Variants in FTCDNL1 observed in about 807,000 individuals in gnomAD.
FTCDNL1 encodes formiminotransferase cyclodeaminase N-terminal like, also known as formiminotransferase N-terminal subdomain-containing protein.
A neutral mutation model predicts 5.9 loss-of-function variants in FTCDNL1; 11 were observed. The ratio of observed to expected loss-of-function variants is 1.87; its 90% CI spans 1.18 to 3.10. The LOEUF (loss-of-function observed/expected upper bound fraction) is 3.10. Ranked by LOEUF, FTCDNL1 falls within the 30% of genes most tolerant of loss-of-function variation. FTCDNL1 has a pLI of 0.00. For missense variants in FTCDNL1, 115 were observed against 65.5 expected (o/e 1.76, Z -2.61); for synonymous variants, 58 against 24.8 (o/e 2.34, Z -3.99).
At chr2:199,681,251 C>T in the FTCDNL1 span, among the ~76,000 whole-genome samples, 8 of 151,800 alleles carry the variant, frequency 5.3e-5, no homozygotes, top group East Asian at 1.2e-3. Flanking sequence ...GTCAGGAGTT[C>T]GAGACCAGCC....
At chr2:199,753,072 G>A in the FTCDNL1 span, among the ~76,000 whole-genome samples, 1 of 152,048 alleles carries the variant, frequency 6.6e-6, no homozygotes, top group Non-Finnish European at 1.5e-5. Flanking sequence ...GGAGTGAAAC[G>A]GGGCCTTGCC....
At chr2:199,820,992 G>A (rs575756296) in intron 3 of FTCDNL1, among the ~76,000 whole-genome samples, 3 of 152,258 alleles carry the variant, frequency 2.0e-5, no homozygotes, top group South Asian at 4.2e-4. Context: ...ATAAGCATAG[G>A]AGACCTTCCC....
chr2:199,770,398 T>C (rs947100309), intron 3 of FTCDNL1, among the ~76,000 whole-genome samples: 1 of 152,206 alleles, frequency 6.6e-6, no homozygotes, highest in African/African-American at 2.4e-5. Context: ...CATCGCATAG[T>C]CAGTGAGTGG....
chr2:199,704,404 G>A, the FTCDNL1 span, among the ~76,000 whole-genome samples: 1 of 152,096 alleles, frequency 6.6e-6, no homozygotes, highest in Non-Finnish European at 1.5e-5. Context: ...GGGGGTCGAG[G>A]GGCAAGTACT....
chr2:199,729,584 A>G, the FTCDNL1 span, among the ~76,000 whole-genome samples: 1 of 152,240 alleles, frequency 6.6e-6, no homozygotes, highest in Non-Finnish European at 1.5e-5. Flanking sequence ...CCAAATAATG[A>G]GTGACTTCCC....
the FTCDNL1 span, among the ~76,000 whole-genome samples, chr2:199,698,568 T>C: frequency 6.6e-6 from 1 of 152,150 alleles, no homozygotes; most frequent in Non-Finnish European, 1.5e-5. Context: ...AAGAAATTCT[T>C]TGTAACTAGT....
At chr2:199,802,350 T>C (rs1700500608) in intron 3 of FTCDNL1, among the ~76,000 whole-genome samples, 1 of 152,160 alleles carries the variant, frequency 6.6e-6, no homozygotes, top group African/African-American at 2.4e-5. Flanking sequence ...TGAAGCTTCA[T>C]CCTCAGGGAC....
chr2:199,719,738 G>A, the FTCDNL1 span, among the ~76,000 whole-genome samples: 2 of 151,852 alleles, frequency 1.3e-5, no homozygotes, highest in Non-Finnish European at 2.9e-5. Flanking sequence ...GGGCTCAAGC[G>A]ATTCTCCCAC....
the FTCDNL1 span, among the ~76,000 whole-genome samples, chr2:199,719,737 C>T: frequency 2.0e-5 from 3 of 151,944 alleles, no homozygotes; most frequent in African/African-American, 4.8e-5. Flanking sequence ...TGGGCTCAAG[C>T]GATTCTCCCA....
At chr2:199,791,177 T>C (rs902640112) in intron 3 of FTCDNL1, among the ~76,000 whole-genome samples, 1 of 152,154 alleles carries the variant, frequency 6.6e-6, no homozygotes. Flanking sequence ...TCCTGCTTTA[T>C]TTTTGTACAT....
chr2:199,821,077 G>A (rs772570240), intron 3 of FTCDNL1, among the ~76,000 whole-genome samples: 1 of 152,156 alleles, frequency 6.6e-6, no homozygotes, highest in Non-Finnish European at 1.5e-5. Flanking sequence ...ATGAAATGCA[G>A]AAGACACTAA....
At chr2:199,756,397 A>G (rs1252318631), downstream of FTCDNL1, among the ~76,000 whole-genome samples, 1 of 151,706 alleles carries the variant, frequency 6.6e-6, no homozygotes, top group East Asian at 2.0e-4. Flanking sequence ...TCTCTGGGCC[A>G]TTTTCTTCCA....
chr2:199,775,427 A>G (rs1574472555), intron 3 of FTCDNL1, among the ~76,000 whole-genome samples: 1 of 152,302 alleles, frequency 6.6e-6, no homozygotes, highest in East Asian at 1.9e-4. Context: ...CCTTACACTG[A>G]CCAGTCATTT....
At chr2:199,674,751 T>G in the FTCDNL1 span, among the ~76,000 whole-genome samples, 118 of 152,328 alleles carry the variant, frequency 7.7e-4, no homozygotes, top group African/African-American at 2.8e-3. Flanking sequence ...CAAAGACATA[T>G]CTAAGTTTTT....
chr2:199,752,686 T>C, the FTCDNL1 span, among the ~76,000 whole-genome samples: 1 of 151,972 alleles, frequency 6.6e-6, no homozygotes, highest in Non-Finnish European at 1.5e-5. Context: ...AATGTCTCTG[T>C]CTCTGTGTCT....
intron 3 of FTCDNL1, among the ~76,000 whole-genome samples, chr2:199,801,798 C>T (rs1417160818): frequency 8.6e-5 from 13 of 151,544 alleles, no homozygotes; most frequent in African/African-American, 2.7e-4. Flanking sequence ...ATTAGCCAGG[C>T]GTAGCGCCGG....
chr2:199,729,866 G>A, the FTCDNL1 span, among the ~76,000 whole-genome samples: 19 of 152,034 alleles, frequency 1.2e-4, no homozygotes, highest in Middle Eastern at 3.2e-3. Context: ...AATTTTATAC[G>A]GAACCAAAAG....
chr2:199,712,833 A>T, the FTCDNL1 span, among the ~76,000 whole-genome samples: 1 of 152,128 alleles, frequency 6.6e-6, no homozygotes, highest in Admixed American at 6.5e-5. Flanking sequence ...TTGTCTTCTT[A>T]TAAGGACACC....
chr2:199,705,882 T>G, the FTCDNL1 span, among the ~76,000 whole-genome samples: 51 of 152,328 alleles, frequency 3.3e-4, no homozygotes, highest in African/African-American at 1.1e-3. Flanking sequence ...TGTTGCAGGT[T>G]GGACAGCTAT....
Sources: allele counts gnomAD v4.1 joint callset (sites outside exome capture counted in the v4.1 genomes callset), GRCh38; gene constraint gnomAD v4.1.1; transcripts MANE v1.5; gene names NCBI Gene and HGNC (gene_info 2026-07-23, HGNC 2026-07-21).